The following ARID1B variants were observed in gnomAD, a reference collection of about 807,000 sequenced individuals.
ARID1B encodes AT-rich interaction domain 1B, also known as AT-rich interactive domain-containing protein 1B.
Under a neutral mutation model 212.3 loss-of-function variants are expected in ARID1B, and 30 were observed. The observed-to-expected ratio is 0.14, with a 90% CI of 0.11 to 0.19. The LOEUF (loss-of-function observed/expected upper bound fraction) is 0.19. Ranked by LOEUF, ARID1B falls within the 10% of genes least tolerant of loss-of-function variation. The probability of loss-of-function intolerance (pLI) is 1.00; values close to 1 mark genes in which losing one functional copy is unlikely to be tolerated. For missense variants in ARID1B, 2,891 were observed against 3,204.0 expected (o/e 0.90, Z 2.36); for synonymous variants, 1,402 against 1,301.7 (o/e 1.08, Z -1.66).
At chr6:156,819,018 G>A (rs1782171653) in intron 1 of ARID1B, among the ~76,000 whole-genome samples, 1 of 152,022 alleles carries the variant, frequency 6.6e-6, no homozygotes, top group Non-Finnish European at 1.5e-5. Flanking sequence ...TGAAATGATA[G>A]TGGTAGTGTT....
intron 5 of ARID1B, among the ~76,000 whole-genome samples, chr6:157,086,379 A>G (rs1784969237): frequency 1.3e-5 from 2 of 152,318 alleles, no homozygotes; most frequent in Admixed American, 1.3e-4. Context: ...TTTTAATGCT[A>G]TGAATACTCT....
chr6:156,989,538 T>TG, intron 4 of ARID1B, among the ~76,000 whole-genome samples: 1 of 152,344 alleles, frequency 6.6e-6, no homozygotes, highest in Admixed American at 6.5e-5. Context: ...GTAAGGACCC[T>TG]GGGGGTGATA....
At chr6:156,916,645 G>C (rs111554709) in intron 3 of ARID1B, among the ~76,000 whole-genome samples, 2 of 151,852 alleles carry the variant, frequency 1.3e-5, no homozygotes, top group Non-Finnish European at 2.9e-5. Context: ...ATGTTTCCCC[G>C]TTGTCAGGTC....
chr6:156,994,617 T>G (rs1778479121), intron 4 of ARID1B, among the ~76,000 whole-genome samples: 1 of 151,896 alleles, frequency 6.6e-6, no homozygotes, highest in Non-Finnish European at 1.5e-5. Context: ...ATATGTTAAG[T>G]CTGTAGGGTG....
chr6:157,045,933 C>G (rs1009682531), intron 4 of ARID1B, among the ~76,000 whole-genome samples: 6 of 152,026 alleles, frequency 3.9e-5, no homozygotes, highest in African/African-American at 1.4e-4. Flanking sequence ...TGCAGTGTTT[C>G]TCTAGGACCT....
At chr6:157,146,693 G>A (rs747919156) in intron 7 of ARID1B, among the ~76,000 whole-genome samples, 4 of 152,184 alleles carry the variant, frequency 2.6e-5, no homozygotes, top group Non-Finnish European at 5.9e-5. Context: ...CTTCTCGAGT[G>A]CAAGAACTGG....
At chr6:156,879,154 A>G (rs1351372017) in intron 2 of ARID1B, among the ~76,000 whole-genome samples, 4 of 152,150 alleles carry the variant, frequency 2.6e-5, no homozygotes, top group Admixed American at 1.3e-4. Flanking sequence ...ATACCCACGC[A>G]CTCGGAGCCT....
intron 2 of ARID1B, among the ~76,000 whole-genome samples, chr6:156,838,498 A>G (rs1319908960): frequency 1.3e-5 from 2 of 152,122 alleles, no homozygotes; most frequent in East Asian, 3.9e-4. Context: ...TGAGCTGCCA[A>G]CGATAGCGAG....
At chr6:156,927,827 C>T (rs189471068) in intron 3 of ARID1B, among the ~76,000 whole-genome samples, 40 of 152,318 alleles carry the variant, frequency 2.6e-4, no homozygotes, top group African/African-American at 7.7e-4. Flanking sequence ...AGTACCCATC[C>T]TTGCTGGGCC....
intron 3 of ARID1B, among the ~76,000 whole-genome samples, chr6:156,903,255 T>TTGATAA (rs1789096327): frequency 6.6e-6 from 1 of 152,240 alleles, no homozygotes; most frequent in African/African-American, 2.4e-5. Flanking sequence ...TTAATGTGCT[T>TTGATAA]AGTTTCAGTC....
chr6:156,812,974 G>GTATGTA (rs1554254426), intron 1 of ARID1B, among the ~76,000 whole-genome samples: 1 of 84,496 alleles, frequency 1.2e-5, no homozygotes, highest in Admixed American at 1.1e-4. Context: ...GTGTGTGTGT[G>GTATGTA]TGTATGTATA....
intron 3 of ARID1B, among the ~76,000 whole-genome samples, chr6:156,913,595 T>C (rs1389993489): frequency 1.3e-5 from 2 of 152,244 alleles, no homozygotes; most frequent in East Asian, 3.9e-4. Context: ...ATTCTTCCCA[T>C]CTAACTGAAA....
At chr6:157,132,011 G>A (rs1788585337) in intron 6 of ARID1B, among the ~76,000 whole-genome samples, 1 of 152,094 alleles carries the variant, frequency 6.6e-6, no homozygotes, top group African/African-American at 2.4e-5. Flanking sequence ...TTTTATGCAG[G>A]GGAGAGATAT....
intron 3 of ARID1B, 107 bp downstream of exon 3, chr6:156,901,632 A>C: frequency 7.2e-7 from 1 of 1,393,022 alleles, no homozygotes; most frequent in Non-Finnish European, 9.5e-7. Context: ...TGGTGGAAAA[A>C]AAATTAGTTT....
intron 2 of ARID1B, among the ~76,000 whole-genome samples, chr6:156,878,137 C>T (rs1786715739): frequency 6.6e-6 from 1 of 152,134 alleles, no homozygotes; most frequent in African/African-American, 2.4e-5. Context: ...TCACGTTCTG[C>T]CTTCTGTTTT....
intron 2 of ARID1B, among the ~76,000 whole-genome samples, chr6:156,888,557 C>G (rs1001774504): frequency 1.3e-5 from 2 of 152,114 alleles, no homozygotes; most frequent in Non-Finnish European, 2.9e-5. Flanking sequence ...ACAGTCTGGG[C>G]AATAATATAA....
intron 4 of ARID1B, among the ~76,000 whole-genome samples, chr6:157,031,820 C>T (rs1463897137): frequency 6.6e-6 from 1 of 151,352 alleles, no homozygotes; most frequent in East Asian, 1.9e-4. Flanking sequence ...GAGATGGTGC[C>T]TCACTCTGTT....
intron 4 of ARID1B, among the ~76,000 whole-genome samples, chr6:157,074,468 G>A (rs1309031760): frequency 5.9e-5 from 9 of 152,036 alleles, no homozygotes; most frequent in Admixed American, 2.0e-4. Context: ...CAGATGATCC[G>A]CCCACCTCGG....
At chr6:157,037,286 G>A (rs777563500) in intron 4 of ARID1B, among the ~76,000 whole-genome samples, 1 of 152,154 alleles carries the variant, frequency 6.6e-6, no homozygotes, top group Non-Finnish European at 1.5e-5. Context: ...AACCCCTACC[G>A]TCCAGTTACA....
Sources: gnomAD v4.1 joint callset for allele counts (sites outside exome capture counted in the v4.1 genomes callset) on GRCh38, gnomAD v4.1.1 for gene constraint, MANE v1.5 for transcripts, NCBI Gene and HGNC (gene_info 2026-07-23, HGNC 2026-07-21) for gene names.